The following ZNF727 variants were observed in gnomAD, a reference collection of about 807,000 sequenced individuals.
ZNF727 encodes the protein putative zinc finger protein 727.
ZNF727 carries 11 observed loss-of-function variants against 11.5 expected under a neutral mutation model. The ratio of observed to expected loss-of-function variants is 0.95; its 90% CI spans 0.60 to 1.58. The LOEUF is 1.58. ZNF727 is among the 40% of genes most tolerant of loss of function. The probability of loss-of-function intolerance (pLI) is 0.00; values close to 1 mark genes in which losing one functional copy is unlikely to be tolerated. For missense variants in ZNF727, 533 were observed against 581.7 expected, an observed-to-expected ratio of 0.92 and a Z score of 0.86; for synonymous variants, 171 against 196.1, an observed-to-expected ratio of 0.87 and a Z score of 1.07.
chr7:64,045,902 G>C (rs369192876), intron 1 of ZNF727, among the ~76,000 whole-genome samples: 5 of 152,324 alleles, frequency 3.3e-5, no homozygotes, highest in African/African-American at 1.2e-4. Context: ...TCCAGATTGT[G>C]CGGGGACGTC....
intron 1 of ZNF727, among the ~76,000 whole-genome samples, chr7:64,049,854 CTATT>C (rs1789563711): frequency 6.6e-6 from 1 of 151,394 alleles, no homozygotes; most frequent in East Asian, 1.9e-4. Context: ...ATTTGAGAAA[CTATT>C]TAAACACATT....
At chr7:64,055,757 T>C (rs10807674) in intron 1 of ZNF727, among the ~76,000 whole-genome samples, 97,215 of 152,162 alleles carry the variant, frequency 0.64, 31,806 homozygotes, top group Non-Finnish European at 0.71. Flanking sequence ...TGTTTATTCA[T>C]TGCTGAAGAC....
At chr7:64,073,482 G>A (rs1038872693) in intron 3 of ZNF727, among the ~76,000 whole-genome samples, 16 of 151,504 alleles carry the variant, frequency 1.1e-4, no homozygotes, top group African/African-American at 3.4e-4. Flanking sequence ...GAGTTATTGA[G>A]CATACTTAGT....
intron 1 of ZNF727, among the ~76,000 whole-genome samples, chr7:64,055,695 A>C (rs1322134012): frequency 6.6e-6 from 1 of 152,112 alleles, no homozygotes; most frequent in Non-Finnish European, 1.5e-5. Flanking sequence ...TGTCAAATTT[A>C]TTTTCCCCTT....
rs1785824223 is a variant in ZNF727, at chr7:64,083,437, C to G, written c.*4888C>G. On this transcript the variant is annotated 3_prime_UTR_variant, in exon 4 of 4. Transcript: ENST00000456806. ...CTGCAGACCATCACTGCTCAGCCCC[C>G]TGGATTTCGCCTCTTGCCTATGGGT... is the stretch of plus-strand genomic sequence containing the variant. 6.6e-6 allele frequency among the ~76,000 whole-genome samples: 1 copy of G among 152,200 alleles called. No individual in the cohort carries two copies. The highest frequency in any genetic ancestry group is 2.4e-5 in the African/African-American group (1 of 41,446).
In ZNF727 at chr7:64,078,233, C is replaced by G. The variant is rs1340699708; in HGVS notation, c.1184C>G (p.Pro395Arg). 6.2e-7 allele frequency: 1 copy of G among 1,606,636 alleles called. No individual in the cohort carries two copies. The highest frequency in any genetic ancestry group is 1.3e-5 in the African/African-American group (1 of 74,566). The change falls in exon 4 of 4, where the codon CCC becomes CGC. Residue 395 changes from proline to arginine, a missense_variant. By Grantham distance (103) the Pro-to-Arg change is moderately radical. Coordinates refer to ENST00000456806, the MANE Select transcript of ZNF727 (RefSeq NM_001159522.3). ...NHKRIHTGEK[P>R]YKCEECGKSF... ...AAGAGAATTCACACTGGAGAGAAAC[C>G]CTACAAATGTGAAGAATGTGGCAAA...
chr7:64,076,881 G>A (rs1430213958), intron 3 of ZNF727, among the ~76,000 whole-genome samples: 2 of 152,194 alleles, frequency 1.3e-5, no homozygotes, highest in East Asian at 1.9e-4. Context: ...TTAGTCTTTG[G>A]TAAGGTCTCA....
rs1397139256 is a variant in ZNF727, at chr7:64,082,687, G to A, written c.*4138G>A. 4.6e-5 allele frequency among the ~76,000 whole-genome samples: 7 copies of A among 152,092 alleles called. No homozygotes were observed. Among genetic ancestry groups the A allele is most frequent in the African/African-American group, 1.7e-4 (7 of 41,406 alleles). Reference sequence around the variant, plus strand: ...GCTCAGGAGTTCAAGACCAGCCTGGGCAACATGGTGAAATCCCACCTCTAC... The same window carrying A: ...GCTCAGGAGTTCAAGACCAGCCTGGACAACATGGTGAAATCCCACCTCTAC... On this transcript the variant is annotated 3_prime_UTR_variant, in exon 4 of 4. Transcript: ENST00000456806.
intron 1 of ZNF727, among the ~76,000 whole-genome samples, chr7:64,067,139 G>GA (rs35184519): frequency 4.0e-5 from 6 of 151,802 alleles, no homozygotes; most frequent in Admixed American, 3.9e-4. Context: ...CAACAAACAT[G>GA]AAAAAAAACT....
chr7:64,068,362 A>G (rs1311096201), intron 1 of ZNF727, among the ~76,000 whole-genome samples: 1 of 152,094 alleles, frequency 6.6e-6, no homozygotes, highest in Non-Finnish European at 1.5e-5. Context: ...CAGATAAACT[A>G]AAAACCTAGG....
intron 1 of ZNF727, among the ~76,000 whole-genome samples, chr7:64,052,573 A>C (rs1407021274): frequency 4.6e-5 from 7 of 152,040 alleles, no homozygotes; most frequent in Non-Finnish European, 8.8e-5. Context: ...GAGCCCCCAC[A>C]CAAAGTCCCT....
In ZNF727 at chr7:64,053,276, C is replaced by A. The variant is rs1311540296; in HGVS notation, c.3+7652C>A. Among the ~76,000 whole-genome samples the A allele has an allele frequency of 2.0e-5, 3 of 152,044 alleles. No homozygotes were observed. In the South Asian group the frequency reaches 6.2e-4, roughly 32 times the overall value. ...CTTTCCCATGCTGTTCTCCTGATAG[C>A]GAATAAGTCTCATGAGATCTGATAG... On this transcript the variant is annotated intron_variant, in intron 1 of 3. Coordinates refer to ENST00000456806, the MANE Select transcript of ZNF727 (RefSeq NM_001159522.3).
chr7:64,072,258 G>A (rs146187125), intron 3 of ZNF727, among the ~76,000 whole-genome samples: 20 of 152,160 alleles, frequency 1.3e-4, no homozygotes, highest in African/African-American at 4.6e-4. Context: ...GGGGTTATAC[G>A]TGGGTCACAT....
In ZNF727 at chr7:64,083,654, G is replaced by A. The variant is rs185708194; in HGVS notation, c.*5105G>A. Among the ~76,000 whole-genome samples the A allele has an allele frequency of 3.3e-4, 50 of 152,292 alleles. No individual in the cohort carries two copies. The South Asian group carries it at 3.7e-3, about 11-fold the overall frequency. ...GGTTCCTGAGGGTATCTCCTCACCC[G>A]AAGGTTGCAGAGATCTGTGGGAGAA... On this transcript the variant is annotated 3_prime_UTR_variant, in exon 4 of 4. Coordinates refer to ENST00000456806, the MANE Select transcript of ZNF727 (RefSeq NM_001159522.3).
chr7:64,053,357 G>A (rs145915494), intron 1 of ZNF727, among the ~76,000 whole-genome samples: 7 of 152,210 alleles, frequency 4.6e-5, no homozygotes, highest in African/African-American at 1.2e-4. Flanking sequence ...ATCTCACTCT[G>A]TCCCCCAGGC....
chr7:64,072,636 CT>C (rs1327972629), intron 3 of ZNF727, among the ~76,000 whole-genome samples: 2 of 152,130 alleles, frequency 1.3e-5, no homozygotes, highest in African/African-American at 4.8e-5. Context: ...CTTTGGGTCT[CT>C]GGATGTGCAG....
chr7:64,070,456 A>G (rs1290672369), intron 3 of ZNF727, among the ~76,000 whole-genome samples: 1 of 151,988 alleles, frequency 6.6e-6, no homozygotes, highest in Non-Finnish European at 1.5e-5. Context: ...AAACATGTGT[A>G]TATATGAATG....
In ZNF727 at chr7:64,081,626, C is replaced by G. The variant is rs1353283107; in HGVS notation, c.*3077C>G. Among the ~76,000 whole-genome samples the G allele has an allele frequency of 2.6e-5, 4 of 152,070 alleles. No homozygotes were observed. Among genetic ancestry groups the G allele is most frequent in the Non-Finnish European group, 5.9e-5 (4 of 67,972 alleles). On this transcript the variant is annotated 3_prime_UTR_variant, in exon 4 of 4. Transcript: ENST00000456806. Reference sequence around the variant, plus strand: ...AGTGCAGATGCTATGGTATGGGCTCCTAGGGTACCTGAGACTGCCCTGTAA... The same window carrying G: ...AGTGCAGATGCTATGGTATGGGCTCGTAGGGTACCTGAGACTGCCCTGTAA...
rs369405019 is a variant in ZNF727, at chr7:64,077,702, A to G, written c.653A>G (p.His218Arg). 15 of 1,575,550 alleles carry G rather than the reference A, an allele frequency of 9.5e-6. No homozygotes were observed. Among genetic ancestry groups the G allele is most frequent in the Non-Finnish European group, 1.1e-5 (13 of 1,160,216 alleles). ...AAAAAGTTCTCAAACCTTACTGAACATAATAGAGTTCATACTGGAAAGAAA... is the reference window on the plus strand; with the variant it reads ...AAAAAGTTCTCAAACCTTACTGAACGTAATAGAGTTCATACTGGAAAGAAA... ...ACKKFSNLTE[H>R]NRVHTGKKPY... Residue 218 changes from histidine (H) to arginine (R), a missense_variant, in exon 4 of 4, where the codon CAT becomes CGT. Physicochemically the swap from His to Arg is conservative, Grantham distance 29 (BLOSUM62 0). Around this residue, in one of 3 missense-constraint regions of ZNF727, gnomAD observed 463 missense variants for 494.5 expected, o/e 0.94. Transcript: ENST00000456806.
Sources: allele counts gnomAD v4.1 joint callset (sites outside exome capture counted in the v4.1 genomes callset), GRCh38; gene constraint gnomAD v4.1.1; regional missense constraint gnomAD v4.1.1; transcripts MANE v1.5; gene names NCBI Gene and HGNC (gene_info 2026-07-23, HGNC 2026-07-21).